The following SNAP23 variants were observed in gnomAD, a reference collection of about 807,000 sequenced individuals.
The protein encoded by SNAP23 is synaptosomal-associated protein 23.
Under a neutral mutation model 29.0 loss-of-function variants are expected in SNAP23, and 11 were observed. The ratio of observed to expected loss-of-function variants is 0.38; its 90% CI spans 0.24 to 0.63. SNAP23 has a LOEUF of 0.63. Ranked by LOEUF, SNAP23 falls within the 20% of genes least tolerant of loss-of-function variation. The pLI is 0.58. For synonymous variants in SNAP23, 60 were observed against 82.9 expected, an observed-to-expected ratio of 0.72 and a Z score of 1.50; for missense variants, 220 against 253.9, an observed-to-expected ratio of 0.87 and a Z score of 0.91.
At chr15:42,503,434 A>T (rs1192133685) in intron 1 of SNAP23, among the ~76,000 whole-genome samples, 1 of 149,286 alleles carries the variant, frequency 6.7e-6, no homozygotes, top group Non-Finnish European at 1.5e-5. Context: ...CAGTGGCACA[A>T]TCTCGACTCA....
At chr15:42,507,097 C>T (rs1391374999) in intron 1 of SNAP23, among the ~76,000 whole-genome samples, 1 of 152,124 alleles carries the variant, frequency 6.6e-6, no homozygotes. Flanking sequence ...GGATTACAGA[C>T]GTGTGCCACC....
At position 42,531,714 on chromosome 15, in the gene SNAP23, A is replaced by G. The variant is rs2057567617; in HGVS notation, c.*236A>G. The G allele has an allele frequency of 2.7e-6, 1 of 370,830 alleles. No individual in the cohort carries two copies. Among genetic ancestry groups the G allele is most frequent in the Non-Finnish European group, 4.8e-6 (1 of 207,406 alleles). 23.0% of individuals were successfully genotyped at this position (370,830 alleles called of 1,614,324 possible). On this transcript the variant is annotated 3_prime_UTR_variant, in exon 8 of 8. Transcript: ENST00000249647. ...AATTCATACGCTTAGATTGGTTTTCATATGTCATGTTTAGTGTTTTCATCC... is the reference window on the plus strand; with the variant it reads ...AATTCATACGCTTAGATTGGTTTTCGTATGTCATGTTTAGTGTTTTCATCC...
chr15:42,505,077 G>A (rs2057305848), intron 1 of SNAP23: 1 of 152,006 alleles, frequency 6.6e-6, no homozygotes, highest in South Asian at 2.1e-4. Context: ...TTCTTTGCAA[G>A]ACCCTGTGAA....
At chr15:42,523,046 A>G (rs1047177489) in intron 5 of SNAP23, among the ~76,000 whole-genome samples, 3 of 152,006 alleles carry the variant, frequency 2.0e-5, no homozygotes, top group Admixed American at 1.3e-4. Context: ...AGGTTTCACC[A>G]TGTTGGTCAG....
chr15:42,522,758 A>G (rs1336973457), intron 5 of SNAP23, among the ~76,000 whole-genome samples: 1 of 148,086 alleles, frequency 6.8e-6, no homozygotes, highest in Non-Finnish European at 1.5e-5. Context: ...TTTTGTGCTC[A>G]TACCTTGATA....
chr15:42,493,477 T>C (rs1451828946), upstream of SNAP23, among the ~76,000 whole-genome samples: 1 of 151,956 alleles, frequency 6.6e-6, no homozygotes, highest in East Asian at 1.9e-4. Context: ...TCTCCAGACA[T>C]TGCCAAATAT....
At chr15:42,491,943 C>A (rs1344334422), upstream of SNAP23, among the ~76,000 whole-genome samples, 1 of 145,392 alleles carries the variant, frequency 6.9e-6, no homozygotes, top group Admixed American at 7.0e-5. Flanking sequence ...TGGAGTCTTG[C>A]TCTGTCGTTC....
chr15:42,511,988 G>A (rs963829606), intron 2 of SNAP23, 85 bp downstream of exon 2: 3 of 799,854 alleles, frequency 3.8e-6, no homozygotes, highest in Non-Finnish European at 5.9e-6. Context: ...GGGACATTTT[G>A]GCCTCTTCCT....
At chr15:42,518,764 T>A (rs1211814517) in intron 5 of SNAP23, among the ~76,000 whole-genome samples, 1 of 152,210 alleles carries the variant, frequency 6.6e-6, no homozygotes, top group African/African-American at 2.4e-5. Flanking sequence ...GTTTTATTTT[T>A]GCTGTAATGG....
intron 1 of SNAP23, among the ~76,000 whole-genome samples, chr15:42,500,469 A>T (rs1293539183): frequency 6.7e-6 from 1 of 148,716 alleles, no homozygotes; most frequent in Non-Finnish European, 1.5e-5. Context: ...GCTCACCGCA[A>T]CCTCTGCCTC....
Position 42,519,058 on chromosome 15 carries a change from T to C in SNAP23, c.266+3704T>C, listed in dbSNP as rs536978283. Among the ~76,000 whole-genome samples, 25 of 147,400 alleles carry C rather than the reference T, an allele frequency of 1.7e-4. No homozygotes were observed. The East Asian group carries it at 2.9e-3, about 17-fold the overall frequency. Reference sequence around the variant, plus strand: ...TTAAAAACTTTTGTTTCTTCTTCTTTTTTTTTTTTTTTTTGAGACGGAGTC... The same window carrying C: ...TTAAAAACTTTTGTTTCTTCTTCTTCTTTTTTTTTTTTTTGAGACGGAGTC... On this transcript the variant is annotated intron_variant, in intron 5 of 7. Coordinates refer to ENST00000249647, the MANE Select transcript of SNAP23 (RefSeq NM_003825.4).
chr15:42,498,738 G>A (rs1171923205), intron 1 of SNAP23, among the ~76,000 whole-genome samples: 1 of 152,188 alleles, frequency 6.6e-6, no homozygotes, highest in Non-Finnish European at 1.5e-5. Context: ...GTGATCCAGT[G>A]ATCTGAGTGA....
intron 6 of SNAP23, among the ~76,000 whole-genome samples, chr15:42,528,725 A>G (rs889781570): frequency 3.3e-5 from 5 of 152,100 alleles, no homozygotes; most frequent in Non-Finnish European, 7.4e-5. Flanking sequence ...AGCTGGGACT[A>G]CAGGTGTGCG....
At chr15:42,491,808 C>G (rs575141430), upstream of SNAP23, among the ~76,000 whole-genome samples, 53 of 152,274 alleles carry the variant, frequency 3.5e-4, no homozygotes, top group African/African-American at 1.2e-3. Flanking sequence ...TCTCAAACTC[C>G]TCGGCTCAAG....
intron 3 of SNAP23, 71 bp downstream of exon 3, chr15:42,513,067 T>C (rs1338414948): frequency 8.9e-7 from 1 of 1,122,240 alleles, no homozygotes; most frequent in Non-Finnish European, 1.4e-6. Context: ...CTGGCTGGAA[T>C]TAGTATTAAA....
chr15:42,515,306 T>C lies in SNAP23; in HGVS notation c.218T>C (p.Leu73Ser). ...NKDMRETEKT[L>S]TELNKCCGLC... ...GACATGAGAGAGACAGAGAAGACTTTAACAGAACTCAACAAATGCTGTGGC... is the reference window on the plus strand; with the variant it reads ...GACATGAGAGAGACAGAGAAGACTTCAACAGAACTCAACAAATGCTGTGGC... The change falls in exon 5 of 8, where the codon TTA (leucine) becomes TCA (serine). Residue 73 changes from leucine (L) to serine (S), a missense_variant. Leu to Ser is a moderately radical substitution (Grantham distance 145). Coordinates refer to ENST00000249647, the MANE Select transcript of SNAP23 (RefSeq NM_003825.4). 3 of 1,612,850 alleles carry C rather than the reference T, an allele frequency of 1.9e-6. No individual in the cohort carries two copies. The highest frequency in any genetic ancestry group is 2.5e-6 in the Non-Finnish European group (3 of 1,179,354).
Position 42,496,242 on chromosome 15 carries a change from C to CT in SNAP23, c.-15+536dup, listed in dbSNP as rs992729507. ...CTGTAAAGTGTAGTTTCATCTCGTC[C>CT]TTTTTTTCTTCTTTAATCAGTCACC... On this transcript the variant is annotated intron_variant, in intron 1 of 7. Transcript: ENST00000249647. Among the ~76,000 whole-genome samples, 12 of 152,182 alleles carry CT rather than the reference C, an allele frequency of 7.9e-5. No homozygotes were observed. In the East Asian group the frequency reaches 2.3e-3, roughly 29 times the overall value.
intron 1 of SNAP23, among the ~76,000 whole-genome samples, chr15:42,496,582 T>C (rs1279479874): frequency 2.0e-5 from 3 of 151,836 alleles, no homozygotes; most frequent in African/African-American, 7.3e-5. Flanking sequence ...CCAGGCGTGG[T>C]GGTATATGCT....
intron 5 of SNAP23, chr15:42,527,847 G>A (rs2057518168): frequency 6.2e-6 from 1 of 161,876 alleles, no homozygotes; most frequent in Admixed American, 5.9e-5. Context: ...AACCTCTTAA[G>A]GTATCCCAGA....
Sources: allele counts gnomAD v4.1 joint callset (sites outside exome capture counted in the v4.1 genomes callset), GRCh38; gene constraint gnomAD v4.1.1; transcripts MANE v1.5; gene names NCBI Gene and HGNC (gene_info 2026-07-23, HGNC 2026-07-21).